Variants in TEKT5 observed in about 807,000 individuals in gnomAD.
TEKT5 encodes the protein tektin-5.
TEKT5 carries 52 observed loss-of-function variants against 48.7 expected under a neutral mutation model. That is an observed-to-expected ratio of 1.07 (90% CI 0.86 to 1.35). TEKT5 has a LOEUF of 1.35. Among genes scored for constraint, TEKT5 ranks in the 40% most tolerant of loss-of-function variants. The pLI, the probability that TEKT5 is intolerant of heterozygous loss-of-function variation, is 0.00. For missense variants in TEKT5, 831 were observed against 641.6 expected (o/e 1.30, Z -3.19); for synonymous variants, 318 against 267.6 (o/e 1.19, Z -1.84).
chr16:10,678,261 G>C (rs1199577771), intron 4 of TEKT5, among the ~76,000 whole-genome samples: 1 of 152,080 alleles, frequency 6.6e-6, no homozygotes, highest in African/African-American at 2.4e-5. Flanking sequence ...ACCACACTTG[G>C]CTAATTTTTG....
At chr16:10,670,494 G>C (rs1327115523) in intron 5 of TEKT5, among the ~76,000 whole-genome samples, 1 of 152,160 alleles carries the variant, frequency 6.6e-6, no homozygotes, top group Non-Finnish European at 1.5e-5. Flanking sequence ...ACTCCAGCCT[G>C]CACGATAGAG....
chr16:10,659,527 C>T (rs1037799807), intron 5 of TEKT5, among the ~76,000 whole-genome samples: 3 of 152,020 alleles, frequency 2.0e-5, no homozygotes, highest in South Asian at 2.1e-4. Flanking sequence ...CTACAGGTGC[C>T]CACCACCACA....
intron 5 of TEKT5, among the ~76,000 whole-genome samples, chr16:10,647,630 T>C (rs1898091587): frequency 6.7e-6 from 1 of 149,102 alleles, no homozygotes; most frequent in Non-Finnish European, 1.5e-5. Context: ...GAGCCCACCT[T>C]GTCTCTTTCT....
intron 4 of TEKT5, among the ~76,000 whole-genome samples, chr16:10,680,814 A>T (rs1898732973): frequency 7.5e-6 from 1 of 132,564 alleles, no homozygotes; most frequent in Non-Finnish European, 1.6e-5. Flanking sequence ...AACAATGAGA[A>T]CACATGGACA....
In TEKT5 at chr16:10,635,858, C is replaced by CCATGATGGACCTTTCCAGCAG. The variant is rs751164120; in HGVS notation, c.1126_1146dup (p.Leu376_Met382dup). The CCATGATGGACCTTTCCAGCAG allele has an allele frequency of 1.2e-6, 2 of 1,614,012 alleles. No homozygotes were observed. The highest frequency in any genetic ancestry group is 1.7e-6 in the Non-Finnish European group (2 of 1,180,044). On this transcript the variant is annotated inframe_insertion, in exon 6 of 7. Transcript: ENST00000283025. ...GCCACCTTCAGCGGGCCCTCCTTGG[C>CCATGATGGACCTTTCCAGCAG]CATGATGGACCTTTCCAGCAGCATG... is the stretch of plus-strand genomic sequence containing the variant.
chr16:10,689,494 G>A (rs531262184), intron 2 of TEKT5, among the ~76,000 whole-genome samples, 171 bp from the exon 3 acceptor site: 1 of 147,446 alleles, frequency 6.8e-6, no homozygotes, highest in African/African-American at 2.5e-5. Flanking sequence ...GGGCCAGGCA[G>A]CTAAGGGTTG....
At chr16:10,665,507 T>C (rs753599192) in intron 5 of TEKT5, among the ~76,000 whole-genome samples, 2 of 152,208 alleles carry the variant, frequency 1.3e-5, no homozygotes, top group African/African-American at 2.4e-5. Flanking sequence ...ATCTCCTGCA[T>C]GGTCCCTCCA....
intron 5 of TEKT5, among the ~76,000 whole-genome samples, chr16:10,664,958 A>G (rs1274286284): frequency 6.6e-6 from 1 of 152,200 alleles, no homozygotes; most frequent in Non-Finnish European, 1.5e-5. Context: ...TTGACAGAGG[A>G]AAAAACTGAA....
intron 6 of TEKT5, among the ~76,000 whole-genome samples, chr16:10,629,025 T>C (rs1397037308): frequency 6.6e-6 from 1 of 151,908 alleles, no homozygotes; most frequent in Non-Finnish European, 1.5e-5. Flanking sequence ...CGTGACTGCA[T>C]GCACAGGAAA....
chr16:10,677,678 G>C (rs1166686157), intron 4 of TEKT5, among the ~76,000 whole-genome samples: 1 of 99,270 alleles, frequency 1.0e-5, no homozygotes, highest in Admixed American at 8.8e-5. Flanking sequence ...CAAGAGAAAA[G>C]GAAGCAATAG....
chr16:10,648,913 T>C (rs1567227338), intron 5 of TEKT5, among the ~76,000 whole-genome samples: 1 of 152,206 alleles, frequency 6.6e-6, no homozygotes, highest in East Asian at 1.9e-4. Flanking sequence ...TGGTTTTGCA[T>C]TTATTGAAGA....
intron 4 of TEKT5, among the ~76,000 whole-genome samples, chr16:10,677,885 G>C (rs1224944886): frequency 6.6e-6 from 1 of 152,142 alleles, no homozygotes; most frequent in Non-Finnish European, 1.5e-5. Context: ...CGGCCATGCA[G>C]GACTCACAGC....
intron 5 of TEKT5, among the ~76,000 whole-genome samples, chr16:10,636,265 C>T (rs902365318): frequency 2.6e-5 from 4 of 152,024 alleles, no homozygotes; most frequent in Non-Finnish European, 5.9e-5. Context: ...ATCCCAGCTA[C>T]TCGGGGGACC....
intron 5 of TEKT5, among the ~76,000 whole-genome samples, chr16:10,667,469 T>A (rs1388817484): frequency 1.3e-5 from 2 of 152,228 alleles, no homozygotes; most frequent in African/African-American, 4.8e-5. Flanking sequence ...TCTGGCTGTT[T>A]CTGTACCTGA....
At chr16:10,671,628 TTGTC>T (rs1898549967) in intron 5 of TEKT5, 1 of 152,220 alleles carries the variant, frequency 6.6e-6, no homozygotes. Context: ...TTACTTGTAT[TTGTC>T]TGTTCTAATG....
intron 4 of TEKT5, among the ~76,000 whole-genome samples, chr16:10,680,113 C>T (rs904718149): frequency 6.6e-6 from 1 of 152,286 alleles, no homozygotes; most frequent in South Asian, 2.1e-4. Context: ...GAAGAGAGAC[C>T]CTCTGGACTC....
chr16:10,641,407 G>C lies in TEKT5; in HGVS notation c.1087-5489C>G, dbSNP rs572465435. ...AGACGTTACAGCCAAGAGGGGCCTG[G>C]TATTTCCAAGGGAGAGGAAAATACC... On this transcript the variant is annotated intron_variant, in intron 5 of 6. Coordinates refer to ENST00000283025, the MANE Select transcript of TEKT5 (RefSeq NM_144674.2). Among the ~76,000 whole-genome samples the C allele has an allele frequency of 5.1e-4, 77 of 152,190 alleles. 1 individual carries two copies. Among genetic ancestry groups the C allele is most frequent in the Middle Eastern group, 6.8e-3 (2 of 294 alleles).
At chr16:10,661,428 T>C (rs961194141) in intron 5 of TEKT5, among the ~76,000 whole-genome samples, 8 of 152,186 alleles carry the variant, frequency 5.3e-5, no homozygotes, top group African/African-American at 1.9e-4. Context: ...GCACAGAATC[T>C]ACATTTTTAC....
chr16:10,658,927 A>C (rs1898312088), intron 5 of TEKT5, among the ~76,000 whole-genome samples: 1 of 152,134 alleles, frequency 6.6e-6, no homozygotes. Flanking sequence ...CATGTTGGTC[A>C]GGCTGGTCTC....
Sources: allele counts gnomAD v4.1 joint callset (sites outside exome capture counted in the v4.1 genomes callset), GRCh38; gene constraint gnomAD v4.1.1; transcripts MANE v1.5; gene names NCBI Gene and HGNC (gene_info 2026-07-23, HGNC 2026-07-21).